KSR2: variants seen among roughly 807,000 people sequenced by gnomAD.
KSR2 encodes the protein kinase suppressor of ras 2.
In KSR2, 25 loss-of-function variants were observed where a neutral mutation model predicts 107.8. That is an observed-to-expected ratio of 0.23 (90% CI 0.17 to 0.32). KSR2 has a LOEUF of 0.32. Ranked by LOEUF, KSR2 falls within the 10% of genes least tolerant of loss-of-function variation. The pLI is 1.00. For missense variants in KSR2, 887 were observed against 1,268.9 expected, an observed-to-expected ratio of 0.70 and a Z score of 4.57; for synonymous variants, 480 against 507.0, an observed-to-expected ratio of 0.95 and a Z score of 0.71.
At chr12:117,704,621 G>A (rs547840405) in intron 4 of KSR2, among the ~76,000 whole-genome samples, 166 of 152,306 alleles carry the variant, frequency 1.1e-3, no homozygotes, top group African/African-American at 3.8e-3. Context: ...CACTTTGGGA[G>A]GCCAAGCAGG....
At chr12:117,855,616 G>A (rs2137225887) in intron 2 of KSR2, 38 bp from the exon 3 acceptor site, 2 of 1,608,114 alleles carry the variant, frequency 1.2e-6, no homozygotes, top group Non-Finnish European at 8.5e-7. Flanking sequence ...CGTGGGGCAG[G>A]AACAGCATCT....
chr12:117,760,952 G>C (rs762074126), intron 4 of KSR2, 59 bp downstream of exon 4: 24 of 1,603,358 alleles, frequency 1.5e-5, no homozygotes, highest in Non-Finnish European at 1.8e-5. Flanking sequence ...TGGGACCAAG[G>C]GGCAGCCCCT....
rs749553787 is a variant in KSR2 at position 117,467,187 on chromosome 12, G to A, written c.*12C>T. The A allele has an allele frequency of 9.7e-6, 7 of 723,450 alleles. No homozygotes were observed. The highest frequency in any genetic ancestry group is 5.4e-5 in the African/African-American group (3 of 55,584). The allele number at this position is 723,450 out of a possible 1,614,324, so 44.8% of individuals were successfully genotyped here. ...AGCCCAGGCAGCTGGGCGCCGTCCC[G>A]ATGTCCAAAGGTCACAGCCTGGAGT... On this transcript the variant is annotated 3_prime_UTR_variant, in exon 20 of 20. Coordinates refer to ENST00000339824, the MANE Select transcript of KSR2 (RefSeq NM_173598.6).
chr12:117,574,250 G>A (rs531522134), intron 7 of KSR2, among the ~76,000 whole-genome samples: 2 of 151,764 alleles, frequency 1.3e-5, no homozygotes, highest in African/African-American at 4.8e-5. Context: ...ACTCAAGTTT[G>A]AGAACCATTA....
At chr12:117,519,105 T>A (rs536314044) in intron 14 of KSR2, among the ~76,000 whole-genome samples, 1 of 152,224 alleles carries the variant, frequency 6.6e-6, no homozygotes, top group Non-Finnish European at 1.5e-5. Flanking sequence ...CGGGGTCCGA[T>A]GAATGTCTGT....
At chr12:117,867,825 C>T (rs994399138) in intron 1 of KSR2, among the ~76,000 whole-genome samples, 2 of 152,196 alleles carry the variant, frequency 1.3e-5, no homozygotes, top group Non-Finnish European at 2.9e-5. Flanking sequence ...TTATGTGCCA[C>T]TGGGGTTTTG....
intron 7 of KSR2, among the ~76,000 whole-genome samples, chr12:117,570,895 G>C (rs1394793380): frequency 6.6e-6 from 1 of 152,166 alleles, no homozygotes; most frequent in African/African-American, 2.4e-5. Flanking sequence ...GTCATAAGTT[G>C]AGTTTTGTAG....
At chr12:117,956,617 A>T (rs1477975449) in intron 1 of KSR2, among the ~76,000 whole-genome samples, 1 of 151,230 alleles carries the variant, frequency 6.6e-6, no homozygotes, top group African/African-American at 2.4e-5. Context: ...AATATTTTAT[A>T]TTTTTTTTCC....
At chr12:117,899,026 C>A (rs1268994864) in intron 1 of KSR2, among the ~76,000 whole-genome samples, 1 of 152,160 alleles carries the variant, frequency 6.6e-6, no homozygotes, top group Non-Finnish European at 1.5e-5. Flanking sequence ...TCCATAGAAT[C>A]TTGGCGCAGA....
At chr12:117,672,783 C>T (rs1044650682) in intron 4 of KSR2, among the ~76,000 whole-genome samples, 1 of 152,286 alleles carries the variant, frequency 6.6e-6, no homozygotes, top group Admixed American at 6.5e-5. Context: ...TGCCACCATG[C>T]CCGGCTAATT....
chr12:117,598,086 C>A (rs1377696027), intron 5 of KSR2, among the ~76,000 whole-genome samples: 2 of 152,086 alleles, frequency 1.3e-5, no homozygotes, highest in Non-Finnish European at 2.9e-5. Context: ...CACCCATCAC[C>A]CAAGCAGTGG....
chr12:117,624,496 A>T (rs4767580), intron 5 of KSR2, among the ~76,000 whole-genome samples: 1 of 152,212 alleles, frequency 6.6e-6, no homozygotes, highest in Non-Finnish European at 1.5e-5. Context: ...CCCATTTCTT[A>T]TTTTTGTCAG....
intron 1 of KSR2, among the ~76,000 whole-genome samples, chr12:117,939,690 C>T (rs540906118): frequency 2.1e-4 from 32 of 151,542 alleles, no homozygotes; most frequent in South Asian, 6.2e-4. Context: ...CCAGCCTGGG[C>T]GACAGTGCAA....
chr12:117,546,651 T>G (rs1477580745), intron 9 of KSR2, among the ~76,000 whole-genome samples: 2 of 152,250 alleles, frequency 1.3e-5, no homozygotes, highest in Admixed American at 1.3e-4. Flanking sequence ...CTTGATACTC[T>G]GCTCAGGCCA....
At chr12:117,870,119 CA>C (rs1432862589) in intron 1 of KSR2, among the ~76,000 whole-genome samples, 1 of 152,180 alleles carries the variant, frequency 6.6e-6, no homozygotes, top group African/African-American at 2.4e-5. Flanking sequence ...CCTGGAAGTG[CA>C]AAAGTTGGGC....
chr12:117,892,876 A>C (rs1370701181), intron 1 of KSR2, among the ~76,000 whole-genome samples: 4 of 151,944 alleles, frequency 2.6e-5, no homozygotes, highest in Admixed American at 2.0e-4. Flanking sequence ...CTCTACTCCA[A>C]ATGCAGGACT....
chr12:117,459,479 C>G lies in KSR2; in HGVS notation c.*7720G>C, dbSNP rs553953798. The G allele has an allele frequency of 5.3e-4, 81 of 152,278 alleles. No individual in the cohort carries two copies. The highest frequency in any genetic ancestry group is 1.6e-3 in the African/African-American group (68 of 41,532). The allele number at this position is 152,278 out of a possible 1,614,324, so 9.4% of individuals were successfully genotyped here. On this transcript the variant is annotated 3_prime_UTR_variant, in exon 20 of 20. Coordinates refer to ENST00000339824, the MANE Select transcript of KSR2 (RefSeq NM_173598.6). ...GCTGTGATGGATTAGTGATGTCTGC[C>G]AAGAGTACAGCAGGGGACACTGGTG...
chr12:117,803,223 G>A (rs998236191), intron 3 of KSR2, among the ~76,000 whole-genome samples: 36 of 152,190 alleles, frequency 2.4e-4, no homozygotes, highest in Admixed American at 6.5e-4. Flanking sequence ...CCTTTATTAA[G>A]CAACACCTGG....
chr12:117,487,053 G>T (rs1013598297), intron 14 of KSR2, among the ~76,000 whole-genome samples: 1 of 152,104 alleles, frequency 6.6e-6, no homozygotes, highest in Non-Finnish European at 1.5e-5. Context: ...GCCAACAGCT[G>T]CTGCCTTTCT....
Sources: allele counts gnomAD v4.1 joint callset (sites outside exome capture counted in the v4.1 genomes callset), GRCh38; gene constraint gnomAD v4.1.1; transcripts MANE v1.5; gene names NCBI Gene and HGNC (gene_info 2026-07-23, HGNC 2026-07-21).